The following QRSL1 variants were observed in gnomAD, a reference collection of about 807,000 sequenced individuals.
The protein encoded by QRSL1 is glutamyl-tRNA(Gln) amidotransferase subunit A, mitochondrial.
Under a neutral mutation model 61.6 loss-of-function variants are expected in QRSL1, and 54 were observed. The observed-to-expected ratio is 0.88, with a 90% CI of 0.70 to 1.10. The LOEUF (loss-of-function observed/expected upper bound fraction) is 1.10. Among genes scored for constraint, QRSL1 ranks in the 50% least tolerant of loss-of-function variants. QRSL1 has a pLI of 0.00. For missense variants in QRSL1, 505 were observed against 622.6 expected (o/e 0.81, Z 2.01); for synonymous variants, 228 against 225.7 (o/e 1.01, Z -0.09).
At chr6:106,648,891 A>T in intron 4 of QRSL1, 134 bp from the exon 5 acceptor site, 1 of 822,174 alleles carries the variant, frequency 1.2e-6, no homozygotes, top group Non-Finnish European at 1.8e-6. Flanking sequence ...CAGGCTTCCC[A>T]CCTTTTTCAA....
At chr6:106,662,681 G>T (rs930601057) in intron 9 of QRSL1, among the ~76,000 whole-genome samples, 3 of 152,126 alleles carry the variant, frequency 2.0e-5, no homozygotes, top group Admixed American at 1.3e-4. Context: ...TGGGAAAAGT[G>T]GCAAAGATTT....
intron 3 of QRSL1, 84 bp downstream of exon 3, chr6:106,641,005 C>A: frequency 1.1e-6 from 1 of 902,558 alleles, no homozygotes; most frequent in Non-Finnish European, 1.7e-6. Context: ...CCAAGATAAT[C>A]TCAGACTAAT....
intron 4 of QRSL1, among the ~76,000 whole-genome samples, chr6:106,646,088 A>C (rs1777102269): frequency 1.3e-5 from 2 of 152,176 alleles, no homozygotes; most frequent in Admixed American, 1.3e-4. Flanking sequence ...TCACATTTGT[A>C]ATATTTGCTT....
At chr6:106,646,757 G>A (rs973828437) in intron 4 of QRSL1, among the ~76,000 whole-genome samples, 5 of 152,032 alleles carry the variant, frequency 3.3e-5, no homozygotes, top group East Asian at 3.8e-4. Context: ...GGCCGGGCAC[G>A]GTGGCTCACA....
At position 106,640,201 on chromosome 6, in the gene QRSL1, G is replaced by A. The variant is rs2114702244; in HGVS notation, c.25-148G>A. On this transcript the variant is annotated intron_variant, in intron 1 of 10. Coordinates refer to ENST00000369046, the MANE Select transcript of QRSL1 (RefSeq NM_018292.5). ...TCACCCTTCATCCACTACACTAAGT[G>A]TAGAGGTAATAGGTTCTCTTGATTT... 3 of 662,048 alleles carry A rather than the reference G, an allele frequency of 4.5e-6. No individual in the cohort carries two copies. The East Asian group carries it at 8.3e-5, about 18-fold the overall frequency. 41.0% of individuals were successfully genotyped at this position (662,048 alleles called of 1,614,324 possible). A position where few individuals can be genotyped will look rare whatever the true frequency, so the allele number is the denominator to read the frequency against.
At chr6:106,654,954 T>G in intron 8 of QRSL1, 32 bp downstream of exon 8, 1 of 1,511,976 alleles carries the variant, frequency 6.6e-7, no homozygotes, top group Middle Eastern at 1.7e-4. Context: ...ATTTTTAAGG[T>G]AGTTGTCGCA....
At chr6:106,632,002 A>G (rs1002373637) in intron 1 of QRSL1, among the ~76,000 whole-genome samples, 1 of 151,932 alleles carries the variant, frequency 6.6e-6, no homozygotes, top group African/African-American at 2.4e-5. Context: ...ATTCTACTCT[A>G]CCTCCACGAG....
chr6:106,655,624 G>A lies in QRSL1; in HGVS notation c.1052G>A (p.Cys351Tyr). 1 of 1,601,514 alleles carries A rather than the reference G, an allele frequency of 6.2e-7. No homozygotes were observed. Among genetic ancestry groups the A allele is most frequent in the East Asian group, 2.3e-5 (1 of 44,314 alleles). Residue 351 changes from cysteine to tyrosine, a missense_variant, in exon 9 of 11, where the codon TGT (cysteine) becomes TAT (tyrosine). Cys to Tyr is a radical substitution (Grantham distance 194). Transcript: ENST00000369046. Reference protein sequence around the residue: ...RFDGLQYGHRCDIDVSTEAMY... With the variant: ...RFDGLQYGHRYDIDVSTEAMY... ...CTTTTCTTGTTTTCAGGTCACAGAT[G>A]TGACATTGATGTGTCCACTGAAGCC...
intron 9 of QRSL1, among the ~76,000 whole-genome samples, chr6:106,656,761 A>G (rs1239202041): frequency 6.6e-6 from 1 of 152,170 alleles, no homozygotes; most frequent in African/African-American, 2.4e-5. Flanking sequence ...AGCTTAAGTG[A>G]TCCTCCCACC....
At chr6:106,655,020 T>A in intron 8 of QRSL1, 98 bp downstream of exon 8, 1 of 1,158,450 alleles carries the variant, frequency 8.6e-7, no homozygotes, top group Non-Finnish European at 1.2e-6. Context: ...GAGATAATGT[T>A]AGTGATTCAG....
At chr6:106,638,455 C>T (rs558790789) in intron 1 of QRSL1, among the ~76,000 whole-genome samples, 1 of 152,142 alleles carries the variant, frequency 6.6e-6, no homozygotes, top group Non-Finnish European at 1.5e-5. Context: ...CAGGCATGCA[C>T]CACCACGCCT....
In QRSL1 at chr6:106,632,144, G is replaced by A. The variant is rs183558829; in HGVS notation, c.24+2439G>A. ...ATGTTGTTGCAATTGACAAGCTCTC[G>A]TTCTTTTTATGGCTGAATAGTACTC... On this transcript the variant is annotated intron_variant, in intron 1 of 10. Transcript: ENST00000369046. Among the ~76,000 whole-genome samples the A allele has an allele frequency of 9.2e-5, 14 of 152,246 alleles. No homozygotes were observed. In the East Asian group the frequency reaches 2.3e-3, roughly 25 times the overall value.
At chr6:106,640,546 C>T (rs1248526228) in intron 2 of QRSL1, 38 bp downstream of exon 2, 3 of 1,466,124 alleles carry the variant, frequency 2.0e-6, no homozygotes, top group Non-Finnish European at 2.7e-6. Context: ...GTTATATCTC[C>T]AGAGAAGTTT....
At position 106,666,652 on chromosome 6, in the gene QRSL1, A is replaced by C. The variant is rs1290775524; in HGVS notation, c.*650A>C. The C allele has an allele frequency of 6.5e-6, 1 of 153,200 alleles. No individual in the cohort carries two copies. The highest frequency in any genetic ancestry group is 1.5e-5 in the Non-Finnish European group (1 of 68,766). 9.5% of individuals were successfully genotyped at this position (153,200 alleles called of 1,614,324 possible). On this transcript the variant is annotated 3_prime_UTR_variant, in exon 11 of 11. Coordinates refer to ENST00000369046, the MANE Select transcript of QRSL1 (RefSeq NM_018292.5). ...TCTGTGTAACTAAAGCACTAACAAA[A>C]ACATGAATAGTCCTTCTAGAGGTAA...
Position 106,652,517 on chromosome 6 carries a change from A to G in QRSL1, c.784A>G (p.Ile262Val), listed in dbSNP as rs1777204788. 5.0e-6 allele frequency: 8 copies of G among 1,614,210 alleles called. No individual in the cohort carries two copies. Among genetic ancestry groups the G allele is most frequent in the African/African-American group, 4.0e-5 (3 of 75,050 alleles). Reference sequence around the variant, plus strand: ...GGACTCTACCACAGTACATGAACCTATTAATAAACCATTCATGCTTCCCAG... The same window carrying G: ...GGACTCTACCACAGTACATGAACCTGTTAATAAACCATTCATGCTTCCCAG... ...PRDSTTVHEP[I>V]NKPFMLPSLA... The change falls in exon 7 of 11, where the codon ATT (isoleucine) becomes GTT (valine). Residue 262 changes from isoleucine to valine, a missense_variant. By Grantham distance (29) the Ile-to-Val change is conservative (BLOSUM62 3). Coordinates refer to ENST00000369046, the MANE Select transcript of QRSL1 (RefSeq NM_018292.5).
intron 1 of QRSL1, among the ~76,000 whole-genome samples, chr6:106,639,124 T>G (rs1399109202): frequency 2.8e-5 from 1 of 35,454 alleles, no homozygotes; most frequent in South Asian, 9.6e-4. Flanking sequence ...TTGTTGTTTT[T>G]TTTTTTTTTT....
At chr6:106,656,648 C>T (rs180730414) in intron 9 of QRSL1, among the ~76,000 whole-genome samples, 44 of 152,260 alleles carry the variant, frequency 2.9e-4, no homozygotes, top group East Asian at 9.7e-4. Flanking sequence ...CTCTCAGGGC[C>T]GATAGTTAGA....
At chr6:106,649,915 T>C (rs1331403317) in intron 5 of QRSL1, among the ~76,000 whole-genome samples, 2 of 152,190 alleles carry the variant, frequency 1.3e-5, no homozygotes, top group South Asian at 2.1e-4. Context: ...TCTTTAGTAA[T>C]AGTTTTGTAT....
At chr6:106,633,393 G>T (rs1165000123) in intron 1 of QRSL1, among the ~76,000 whole-genome samples, 2 of 152,094 alleles carry the variant, frequency 1.3e-5, no homozygotes, top group Non-Finnish European at 1.5e-5. Context: ...ACCCATTGTT[G>T]TAAATTATAA....
Sources: allele counts gnomAD v4.1 joint callset (sites outside exome capture counted in the v4.1 genomes callset), GRCh38; gene constraint gnomAD v4.1.1; transcripts MANE v1.5; gene names NCBI Gene and HGNC (gene_info 2026-07-23, HGNC 2026-07-21).